The following SGSM1 variants were observed in gnomAD, a reference collection of about 807,000 sequenced individuals.
SGSM1 encodes RUN and TBC1 domain containing 2.
A neutral mutation model predicts 133.8 loss-of-function variants in SGSM1; 73 were observed. The observed-to-expected ratio is 0.55, with a 90% confidence interval of 0.45 to 0.66. The LOEUF (loss-of-function observed/expected upper bound fraction) is 0.66. Ranked by LOEUF, SGSM1 falls within the 30% of genes least tolerant of loss-of-function variation. The pLI is 0.00. For missense variants in SGSM1, 1,213 were observed against 1,448.1 expected, an observed-to-expected ratio of 0.84 and a Z score of 2.64; for synonymous variants, 563 against 573.0, an observed-to-expected ratio of 0.98 and a Z score of 0.25.
chr22:24,844,871 C>T (rs770439214), intron 2 of SGSM1, 26 bp from the exon 3 acceptor site: 1 of 1,612,290 alleles, frequency 6.2e-7, no homozygotes, highest in East Asian at 2.2e-5. Flanking sequence ...TGGACCTCTT[C>T]CCCTCCGGTC....
intron 2 of SGSM1, among the ~76,000 whole-genome samples, chr22:24,842,156 G>T (rs962554167): frequency 3.3e-5 from 5 of 152,200 alleles, no homozygotes; most frequent in African/African-American, 1.2e-4. Flanking sequence ...ACCGTGTCCT[G>T]CCTTAGAGGA....
intron 22 of SGSM1, among the ~76,000 whole-genome samples, 152 bp from the exon 23 acceptor site, chr22:24,917,506 G>A (rs2103770): frequency 0.072 from 10,900 of 152,206 alleles, 1,019 homozygotes; most frequent in African/African-American, 0.21. Context: ...TTGGACAAAT[G>A]TCTATTCAGA....
chr22:24,900,340 C>CTTTCTTTCTTTCTTTCTTTCT (rs1036191488), intron 19 of SGSM1, among the ~76,000 whole-genome samples: 1 of 126,032 alleles, frequency 7.9e-6, no homozygotes, highest in Non-Finnish European at 1.6e-5. Context: ...TTGTTAACCT[C>CTTTCTTTCTTTCTTTCTTTCT]TTCTTTCTTT....
Position 24,924,479 on chromosome 22 carries a change from T to TTTCC in SGSM1, c.*207_*210dup, listed in dbSNP as rs1324079266. 3 of 553,548 alleles carry TTTCC rather than the reference T, an allele frequency of 5.4e-6. No homozygotes were observed. The East Asian group carries it at 8.9e-5, about 16-fold the overall frequency. 34.3% of individuals were successfully genotyped at this position (553,548 alleles called of 1,614,324 possible). On this transcript the variant is annotated 3_prime_UTR_variant, in exon 25 of 25. Transcript: ENST00000400358. ...GTACCCCTTCAATTCAGCCTTACATTTTCCTGTTTGACCAAAGATTGCCCA... is the reference window on the plus strand; with the variant it reads ...GTACCCCTTCAATTCAGCCTTACATTTTCCTTCCTGTTTGACCAAAGATTGCCCA...
rs1324779112 is a variant in SGSM1 at position 24,925,355 on chromosome 22, T to G, written c.*1081T>G. ...CCGGGCGACAGTTCAAGACTCCATC[T>G]CAAAAAAAAAAAGAAAAGGCACACA... On this transcript the variant is annotated 3_prime_UTR_variant, in exon 25 of 25. Coordinates refer to ENST00000400358, the MANE Select transcript of SGSM1 (RefSeq NM_001098497.3). The G allele has an allele frequency of 2.1e-5, 3 of 140,062 alleles. No individual in the cohort carries two copies. Among genetic ancestry groups the G allele is most frequent in the Non-Finnish European group, 3.2e-5 (2 of 62,994 alleles). 8.7% of individuals were successfully genotyped at this position (140,062 alleles called of 1,614,324 possible).
At chr22:24,874,714 G>C in intron 12 of SGSM1, 2 of 1,203,494 alleles carry the variant, frequency 1.7e-6, no homozygotes, top group Non-Finnish European at 1.1e-6. Flanking sequence ...CCCTCCTGCT[G>C]TCCAGCCTCC....
intron 2 of SGSM1, among the ~76,000 whole-genome samples, chr22:24,829,839 C>A (rs965843552): frequency 3.9e-5 from 6 of 152,140 alleles, no homozygotes; most frequent in African/African-American, 1.4e-4. Context: ...CATAAAGTTC[C>A]TACACACAGG....
chr22:24,883,094 C>T (rs1047449232), intron 14 of SGSM1, among the ~76,000 whole-genome samples: 11 of 150,526 alleles, frequency 7.3e-5, no homozygotes, highest in Admixed American at 3.3e-4. Context: ...TTAGTAGAGA[C>T]GGGGTCTCAC....
intron 18 of SGSM1, among the ~76,000 whole-genome samples, chr22:24,896,926 A>G (rs923553258): frequency 1.3e-5 from 2 of 152,116 alleles, no homozygotes; most frequent in Non-Finnish European, 2.9e-5. Context: ...GTGGTGAGCC[A>G]AGATCGTGCC....
rs9917572 is a variant in SGSM1 at position 24,876,367 on chromosome 22, A to G, written c.1292-210A>G. 9.9e-3 allele frequency among the ~76,000 whole-genome samples: 1,507 copies of G among 152,214 alleles called. 13 individuals are homozygous for G. Among genetic ancestry groups the G allele is most frequent in the African/African-American group, 0.034 (1,420 of 41,510 alleles). On this transcript the variant is annotated intron_variant, in intron 12 of 24. Transcript: ENST00000400358. ...TCTTCTTCTCTCTTTGGCTGTCATC[A>G]GCTCTGCCCCAGATTTTGGTGGTGG... is the stretch of plus-strand genomic sequence containing the variant.
intron 16 of SGSM1, among the ~76,000 whole-genome samples, chr22:24,891,684 A>C (rs1057462532): frequency 6.6e-6 from 1 of 152,078 alleles, no homozygotes; most frequent in Non-Finnish European, 1.5e-5. Flanking sequence ...TCCCAGTTTC[A>C]TGGGGGTTGT....
At chr22:24,845,094 C>T (rs1930021892) in intron 3 of SGSM1, 122 bp downstream of exon 3, 4 of 836,018 alleles carry the variant, frequency 4.8e-6, no homozygotes, top group Admixed American at 2.5e-5. Flanking sequence ...GAGGGGGACT[C>T]GATTGGAGAA....
chr22:24,878,759 A>G (rs1409825132), intron 13 of SGSM1, among the ~76,000 whole-genome samples: 1 of 152,208 alleles, frequency 6.6e-6, no homozygotes, highest in African/African-American at 2.4e-5. Flanking sequence ...CCTACTTAGC[A>G]ATCAGCCAGA....
chr22:24,832,329 C>T (rs713715), intron 2 of SGSM1, among the ~76,000 whole-genome samples: 8,773 of 152,216 alleles, frequency 0.058, 319 homozygotes, highest in Non-Finnish European at 0.089. Flanking sequence ...TGGCAAGTGC[C>T]GGGCACATAT....
At chr22:24,922,728 G>A (rs186563477) in intron 24 of SGSM1, among the ~76,000 whole-genome samples, 12 of 152,144 alleles carry the variant, frequency 7.9e-5, no homozygotes, top group African/African-American at 1.4e-4. Context: ...CACCCGCCTC[G>A]GCCTCCCAAA....
At chr22:24,872,244 A>C (rs141519511) in intron 12 of SGSM1, among the ~76,000 whole-genome samples, 1,755 of 152,270 alleles carry the variant, frequency 0.012, 17 homozygotes, top group African/African-American at 0.04. Context: ...GTCTCATCAG[A>C]CCTGTCTCCG....
rs1380197608 is a variant in SGSM1 at position 24,881,565 on chromosome 22, C to CA, written c.1495+2044dup. ...TGGGTGACAGAGCGAGACTCCGTCT[C>CA]AAAAACAAAACAAAACAAAACAAAA... is the stretch of plus-strand genomic sequence containing the variant. On this transcript the variant is annotated intron_variant, in intron 14 of 24. Transcript: ENST00000400358. Among the ~76,000 whole-genome samples, 748 of 148,294 alleles carry CA rather than the reference C, an allele frequency of 5.0e-3. 5 individuals are homozygous for CA. The highest frequency in any genetic ancestry group is 0.015 in the African/African-American group (631 of 40,764).
rs560871739 is a variant in SGSM1 at position 24,857,280 on chromosome 22, A to G, written c.801+1600A>G. Among the ~76,000 whole-genome samples the G allele has an allele frequency of 7.7e-4, 116 of 151,202 alleles. 2 individuals carry two copies. In the South Asian group the frequency reaches 0.023, roughly 30 times the overall value. On this transcript the variant is annotated intron_variant, in intron 8 of 24. Transcript: ENST00000400358. ...AAAAAAAATAGCCAGGCATGGTGGC[A>G]TGTGCCTGTAGTCCCAACTACTCGG...
chr22:24,877,824 T>TC (rs1932105094), intron 13 of SGSM1, among the ~76,000 whole-genome samples: 1 of 138,924 alleles, frequency 7.2e-6, no homozygotes, highest in African/African-American at 2.7e-5. Context: ...TTTTTTTTTT[T>TC]TTTTGAGACT....
Sources: gnomAD v4.1 joint callset for allele counts (sites outside exome capture counted in the v4.1 genomes callset) on GRCh38, gnomAD v4.1.1 for gene constraint, MANE v1.5 for transcripts, NCBI Gene and HGNC (gene_info 2026-07-23, HGNC 2026-07-21) for gene names.